The following CR1 variants were observed in gnomAD, a reference collection of about 807,000 sequenced individuals.
CR1 encodes the protein complement receptor type 1.
CR1 carries 116 observed loss-of-function variants against 187.3 expected under a neutral mutation model. The observed-to-expected ratio is 0.62, with a 90% CI of 0.53 to 0.72. CR1 has a LOEUF of 0.72. CR1 is among the 30% of genes least tolerant of loss of function. The pLI, the probability that CR1 is intolerant of heterozygous loss-of-function variation, is 0.00. For synonymous variants in CR1, 576 were observed against 747.1 expected, an observed-to-expected ratio of 0.77 and a Z score of 3.73; for missense variants, 1,731 against 2,110.7, an observed-to-expected ratio of 0.82 and a Z score of 3.52.
intron 35 of CR1, among the ~76,000 whole-genome samples, chr1:207,593,084 C>CAAAAAAAAAAAAAAAAAAAA (rs57700679): frequency 1.2e-5 from 1 of 83,114 alleles, no homozygotes; most frequent in African/African-American, 5.0e-5. Flanking sequence ...CACAGAATTA[C>CAAAAAAAAAAAAAAAAAAAA]AAAAAAAAAA....
intron 4 of CR1, among the ~76,000 whole-genome samples, chr1:207,520,724 T>C (rs1347739435): frequency 6.6e-6 from 1 of 152,238 alleles, no homozygotes; most frequent in Non-Finnish European, 1.5e-5. Context: ...GTCAATTCTA[T>C]ATGAAACTAT....
rs1660807097 is a variant in CR1 at position 207,577,881 on chromosome 1, A to T, written c.4614A>T (p.Gly1538=). ...CCAACAGAGAGAATTTTCACTATGG[A>T]TCAGTGGTGACCTACCGCTGCAATC... The part of the protein sequence containing the change: ...ISTNRENFHY[G]SVVTYRCNLG... Residue 1538 remains glycine, a synonymous_variant, in exon 29 of 47, where the codon GGA becomes GGT. Coordinates refer to ENST00000367049, the MANE Select transcript of CR1 (RefSeq NM_000651.6). 1 of 1,613,494 alleles carries T rather than the reference A, an allele frequency of 6.2e-7. No individual in the cohort carries two copies. Among genetic ancestry groups the T allele is most frequent in the African/African-American group, 1.3e-5 (1 of 74,900 alleles).
chr1:207,612,112 C>G, intron 39 of CR1, 71 bp downstream of exon 39: 1 of 1,472,128 alleles, frequency 6.8e-7, no homozygotes, highest in Non-Finnish European at 9.5e-7. Context: ...AGGGGTTAAT[C>G]CAATTAAGGA....
chr1:207,620,476 G>A (rs746700426), intron 43 of CR1, among the ~76,000 whole-genome samples: 21 of 152,162 alleles, frequency 1.4e-4, no homozygotes, highest in African/African-American at 2.4e-4. Flanking sequence ...TAGAAATTAC[G>A]TATCATTGAG....
chr1:207,574,401 C>A (rs891759126), intron 27 of CR1, among the ~76,000 whole-genome samples: 5 of 152,154 alleles, frequency 3.3e-5, no homozygotes, highest in South Asian at 2.1e-4. Flanking sequence ...AGCTAATATT[C>A]ACACCTAGAG....
At chr1:207,620,431 G>C (rs56280113) in intron 43 of CR1, among the ~76,000 whole-genome samples, 1 of 152,234 alleles carries the variant, frequency 6.6e-6, no homozygotes, top group East Asian at 1.9e-4. Context: ...GGAGGGGACA[G>C]GATTTTAAGC....
At chr1:207,587,828 A>G (rs1371634104) in intron 34 of CR1, among the ~76,000 whole-genome samples, 1 of 152,262 alleles carries the variant, frequency 6.6e-6, no homozygotes, top group Non-Finnish European at 1.5e-5. Context: ...AGATATTTTG[A>G]TAAAGGAAAG....
intron 43 of CR1, among the ~76,000 whole-genome samples, chr1:207,620,982 A>G (rs1420144833): frequency 6.6e-6 from 1 of 152,180 alleles, no homozygotes; most frequent in Non-Finnish European, 1.5e-5. Context: ...TGATATTAAT[A>G]AAATAAAGGG....
In CR1 at chr1:207,496,350, T is replaced by C. The variant is rs752683886; in HGVS notation, c.83T>C (p.Leu28Pro). ...CCCTTCTGCTGCGGAGGATCCCTGC[T>C]GGCGGTTGTGGTGCTGCTTGCGCTG... ...GLPFCCGGSL[L>P]AVVVLLALPV... The change falls in exon 1 of 47, where the codon CTG (leucine) becomes CCG (proline). Residue 28 changes from leucine (L) to proline (P), a missense_variant. Transcript: ENST00000367049. 6.2e-7 allele frequency: 1 copy of C among 1,612,408 alleles called. No homozygotes were observed. The highest frequency in any genetic ancestry group is 1.1e-5 in the South Asian group (1 of 91,024).
chr1:207,500,346 T>C (rs532440094), intron 1 of CR1, among the ~76,000 whole-genome samples: 5 of 152,328 alleles, frequency 3.3e-5, no homozygotes, highest in African/African-American at 1.2e-4. Flanking sequence ...TTTAAACTGA[T>C]AGAGGTGCCT....
chr1:207,568,124 T>A, intron 25 of CR1, 82 bp downstream of exon 25: 1 of 1,608,410 alleles, frequency 6.2e-7, no homozygotes, highest in Non-Finnish European at 8.5e-7. Context: ...TACAGTGTAG[T>A]ATTTATTTGT....
chr1:207,573,713 A>G (rs185132732), intron 27 of CR1, among the ~76,000 whole-genome samples: 1 of 152,322 alleles, frequency 6.6e-6, no homozygotes, highest in East Asian at 1.9e-4. Flanking sequence ...CAGTGTGTTT[A>G]TATATTTCAT....
intron 4 of CR1, among the ~76,000 whole-genome samples, chr1:207,518,946 T>A (rs564478063): frequency 1.2e-4 from 18 of 152,340 alleles, no homozygotes; most frequent in Admixed American, 4.6e-4. Context: ...AACTATGAAT[T>A]TGTCTGTCTT....
chr1:207,499,638 T>G (rs2102329377), intron 1 of CR1, among the ~76,000 whole-genome samples: 1 of 152,336 alleles, frequency 6.6e-6, no homozygotes, highest in Non-Finnish European at 1.5e-5. Context: ...CATAAAATAG[T>G]ACACGAATTA....
intron 46 of CR1, among the ~76,000 whole-genome samples, chr1:207,635,639 C>A (rs1662789019): frequency 6.6e-6 from 1 of 152,156 alleles, no homozygotes; most frequent in South Asian, 2.1e-4. Flanking sequence ...TTTTACTAAT[C>A]TTCCTCAGCG....
rs1191340377 is a variant in CR1 at position 207,641,340 on chromosome 1, G to A, written c.*1931G>A. ...GTGATTAATAAATATTTCAATGTCT[G>A]TGACTTTTGATTTATTTTGGAGACA... is the stretch of plus-strand genomic sequence containing the variant. On this transcript the variant is annotated 3_prime_UTR_variant, in exon 47 of 47. Transcript: ENST00000367049. 6.6e-6 allele frequency: 1 copy of A among 151,904 alleles called. No homozygotes were observed. The highest frequency in any genetic ancestry group is 1.5e-5 in the Non-Finnish European group (1 of 67,968). 9.4% of individuals were successfully genotyped at this position (151,904 alleles called of 1,614,324 possible). A position where few individuals can be genotyped will look rare whatever the true frequency, so the allele number is the denominator to read the frequency against.
chr1:207,622,128 T>A, intron 44 of CR1, 132 bp downstream of exon 44: 1 of 563,996 alleles, frequency 1.8e-6, no homozygotes, highest in Non-Finnish European at 2.9e-6. Context: ...TCTTCAGTTG[T>A]AAGTTCAACT....
chr1:207,496,284 C>T lies in CR1; in HGVS notation c.17C>T (p.Pro6Leu). 1 of 1,613,784 alleles carries T rather than the reference C, an allele frequency of 6.2e-7. No individual in the cohort carries two copies. The highest frequency in any genetic ancestry group is 1.1e-5 in the South Asian group (1 of 91,066). Residue 6 changes from proline (P) to leucine (L), a missense_variant, in exon 1 of 47, where the codon CCA (proline) becomes CTA (leucine). Physicochemically the swap from Pro to Leu is moderately conservative, Grantham distance 98. Transcript: ENST00000367049. MGASSPRSPEPVGPPA... is the reference protein window; with the variant it reads MGASSLRSPEPVGPPA... ...TTGGGGAGAATGGGGGCCTCTTCTC[C>T]AAGAAGCCCGGAGCCTGTCGGGCCG...
At chr1:207,620,140 A>G in intron 43 of CR1, 75 bp downstream of exon 43, 1 of 1,442,718 alleles carries the variant, frequency 6.9e-7, no homozygotes, top group Non-Finnish European at 9.4e-7. Flanking sequence ...TATTGGCATC[A>G]AGTGTAGTGT....
Sources: gnomAD v4.1 joint callset for allele counts (sites outside exome capture counted in the v4.1 genomes callset) on GRCh38, gnomAD v4.1.1 for gene constraint, MANE v1.5 for transcripts, NCBI Gene and HGNC (gene_info 2026-07-23, HGNC 2026-07-21) for gene names.